The following PLXNA4 variants were observed in gnomAD, a reference collection of about 807,000 sequenced individuals.
PLXNA4 encodes the protein plexin-A4.
PLXNA4 carries 44 observed loss-of-function variants against 191.8 expected under a neutral mutation model. The ratio of observed to expected loss-of-function variants is 0.23; its 90% confidence interval spans 0.18 to 0.29. The LOEUF (loss-of-function observed/expected upper bound fraction) is 0.29, where lower values mean the gene tolerates loss of function less well. Among genes scored for constraint, PLXNA4 ranks in the 10% least tolerant of loss-of-function variants. The pLI, the probability that PLXNA4 is intolerant of heterozygous loss-of-function variation, is 1.00. For missense variants in PLXNA4, 1,800 were observed against 2,488.8 expected, an observed-to-expected ratio of 0.72 and a Z score of 5.89; for synonymous variants, 1,082 against 1,009.5, an observed-to-expected ratio of 1.07 and a Z score of -1.36.
At chr7:132,491,477 A>G (rs1422556751) in intron 2 of PLXNA4, among the ~76,000 whole-genome samples, 1 of 152,156 alleles carries the variant, frequency 6.6e-6, no homozygotes, top group African/African-American at 2.4e-5. Context: ...CCTACAGAGT[A>G]GGGACAGTCA....
intron 3 of PLXNA4, among the ~76,000 whole-genome samples, chr7:132,420,786 G>C (rs767963166): frequency 6.6e-6 from 1 of 152,102 alleles, no homozygotes; most frequent in African/African-American, 2.4e-5. Flanking sequence ...TGCTGTTCTC[G>C]TGACAGTGAA....
At position 132,460,384 on chromosome 7, in the gene PLXNA4, A is replaced by AAAAC. The variant is rs539361615; in HGVS notation, c.1371+28907_1371+28908insGTTT. On this transcript the variant is annotated intron_variant, in intron 3 of 31. Coordinates refer to ENST00000321063, the MANE Select transcript of PLXNA4 (RefSeq NM_020911.2). ...TGTCTCAAAAAAAGAAAAAAAAAAA[A>AAAAC]ACCTCAAATTGTAATTTCTCTAAAT... Among the ~76,000 whole-genome samples the AAAAC allele has an allele frequency of 0.019, 2,862 of 151,922 alleles. 236 individuals carry two copies. The East Asian group carries it at 0.28, about 15-fold the overall frequency.
rs566994949 is a variant in PLXNA4 at position 132,376,624 on chromosome 7, A to T, written c.1372-78402T>A. On this transcript the variant is annotated intron_variant, in intron 3 of 31. Transcript: ENST00000321063. Reference sequence around the variant, plus strand: ...CAATAACCATTTCTCAGGAGCCCTGATCAATCACTGTTTGGGCAGGAGAGA... The same window carrying T: ...CAATAACCATTTCTCAGGAGCCCTGTTCAATCACTGTTTGGGCAGGAGAGA... Among the ~76,000 whole-genome samples the T allele has an allele frequency of 2.0e-5, 3 of 152,316 alleles. No homozygotes were observed. The East Asian group carries it at 5.8e-4, about 29-fold the overall frequency.
chr7:132,465,212 G>A (rs1796654759), intron 3 of PLXNA4, among the ~76,000 whole-genome samples: 1 of 152,184 alleles, frequency 6.6e-6, no homozygotes, highest in African/African-American at 2.4e-5. Flanking sequence ...GTGGAGGCTG[G>A]GGCCTCTAGT....
Position 132,445,263 on chromosome 7 carries a change from C to G in PLXNA4, c.1371+44029G>C, listed in dbSNP as rs1001703030. 2.6e-5 allele frequency among the ~76,000 whole-genome samples: 4 copies of G among 151,780 alleles called. No homozygotes were observed. The East Asian group carries it at 7.7e-4, about 29-fold the overall frequency. ...TAGGTTAATATTCCCAATCTGCCAC[C>G]TGCTCCTCCTTCTATGTGATTTCTC... On this transcript the variant is annotated intron_variant, in intron 3 of 31. Coordinates refer to ENST00000321063, the MANE Select transcript of PLXNA4 (RefSeq NM_020911.2).
intron 3 of PLXNA4, among the ~76,000 whole-genome samples, chr7:132,389,201 C>A (rs1477394753): frequency 6.6e-6 from 1 of 152,080 alleles, no homozygotes; most frequent in East Asian, 1.9e-4. Flanking sequence ...AATATTTTCT[C>A]CCATTCTGTA....
intron 26 of PLXNA4, 68 bp from the exon 27 acceptor site, chr7:132,148,067 C>T: frequency 6.2e-7 from 1 of 1,611,016 alleles, no homozygotes. Flanking sequence ...AAGGACAAAT[C>T]ATGATGAACT....
intron 1 of PLXNA4, among the ~76,000 whole-genome samples, chr7:132,541,997 A>G (rs1800107493): frequency 6.6e-6 from 1 of 152,330 alleles, no homozygotes; most frequent in South Asian, 2.1e-4. Context: ...CAGTTCCAGG[A>G]AAATCTAATA....
At position 132,549,539 on chromosome 7, in the gene PLXNA4, T is replaced by C. The variant is rs541690616; in HGVS notation, c.-87+26883A>G. 5.4e-3 allele frequency among the ~76,000 whole-genome samples: 815 copies of C among 152,290 alleles called. 2 individuals carry two copies. Among genetic ancestry groups the C allele is most frequent in the Middle Eastern group, 0.044 (13 of 294 alleles). On this transcript the variant is annotated intron_variant, in intron 1 of 31. Coordinates refer to ENST00000321063, the MANE Select transcript of PLXNA4 (RefSeq NM_020911.2). ...ACACATTTGGGCCCTCCCAAGATTT[T>C]TGAAAGCTGGAACCATCAATGCAGG...
intron 3 of PLXNA4, chr7:132,485,024 A>G: frequency 6.2e-7 from 1 of 1,609,224 alleles, no homozygotes; most frequent in Non-Finnish European, 8.5e-7. Flanking sequence ...CTAGGGAACA[A>G]AAGCAAATTA....
chr7:132,446,484 TG>T (rs1292036720), intron 3 of PLXNA4, among the ~76,000 whole-genome samples: 1 of 152,158 alleles, frequency 6.6e-6, no homozygotes. Flanking sequence ...AGAAGAAACC[TG>T]GTAAAGGTTT....
intron 3 of PLXNA4, among the ~76,000 whole-genome samples, chr7:132,381,464 G>A (rs1563067557): frequency 6.6e-6 from 1 of 152,204 alleles, no homozygotes; most frequent in Non-Finnish European, 1.5e-5. Flanking sequence ...GACTTCTCAG[G>A]TATTTTAATA....
chr7:132,450,015 C>G (rs1563105588), intron 3 of PLXNA4, among the ~76,000 whole-genome samples: 1 of 152,232 alleles, frequency 6.6e-6, no homozygotes, highest in South Asian at 2.1e-4. Context: ...TGTCCATTTC[C>G]TTCCTGGACA....
intron 3 of PLXNA4, among the ~76,000 whole-genome samples, chr7:132,339,874 G>A (rs1802958287): frequency 6.6e-6 from 1 of 152,084 alleles, no homozygotes; most frequent in Admixed American, 6.5e-5. Flanking sequence ...AGGCCTCTAA[G>A]GGTTCTTATG....
At chr7:132,262,488 G>C (rs186833005) in intron 4 of PLXNA4, among the ~76,000 whole-genome samples, 4 of 152,212 alleles carry the variant, frequency 2.6e-5, no homozygotes, top group Middle Eastern at 3.4e-3. Flanking sequence ...GTAAAGAGGG[G>C]AGTAGGACTG....
intron 3 of PLXNA4, among the ~76,000 whole-genome samples, chr7:132,351,899 G>T (rs562142833): frequency 6.6e-6 from 1 of 152,254 alleles, no homozygotes; most frequent in South Asian, 2.1e-4. Flanking sequence ...AGCATGCAGA[G>T]ACCAGTTGGA....
chr7:132,231,915 A>G (rs930486856), intron 5 of PLXNA4, among the ~76,000 whole-genome samples: 1 of 152,260 alleles, frequency 6.6e-6, no homozygotes, highest in Non-Finnish European at 1.5e-5. Flanking sequence ...TTGAGAACTC[A>G]GCTATCTTAG....
intron 4 of PLXNA4, among the ~76,000 whole-genome samples, chr7:132,282,712 T>C (rs1225685282): frequency 3.4e-5 from 5 of 145,984 alleles, no homozygotes; most frequent in Non-Finnish European, 7.5e-5. Context: ...AGAGTGTTCC[T>C]TCTTAGCAGC....
At chr7:132,496,377 G>GA (rs1276821706) in intron 2 of PLXNA4, among the ~76,000 whole-genome samples, 3 of 151,802 alleles carry the variant, frequency 2.0e-5, no homozygotes, top group Non-Finnish European at 2.9e-5. Context: ...CCTGGTGACA[G>GA]AAAAAACAAA....
Sources: allele counts gnomAD v4.1 joint callset (sites outside exome capture counted in the v4.1 genomes callset), GRCh38; gene constraint gnomAD v4.1.1; transcripts MANE v1.5; gene names NCBI Gene and HGNC (gene_info 2026-07-23, HGNC 2026-07-21).